The following RBFOX1 variants were observed in gnomAD, a reference collection of about 807,000 sequenced individuals.
RBFOX1 encodes the protein RNA binding protein fox-1 homolog 1.
RBFOX1 carries 8 observed loss-of-function variants against 57.7 expected under a neutral mutation model. The ratio of observed to expected loss-of-function variants is 0.14; its 90% CI spans 0.08 to 0.25. RBFOX1 has a LOEUF of 0.25. Ranked by LOEUF, RBFOX1 falls within the 10% of genes least tolerant of loss-of-function variation. The pLI is 1.00. For synonymous variants in RBFOX1, 326 were observed against 222.4 expected (o/e 1.47, Z -4.15); for missense variants, 611 against 548.5 (o/e 1.11, Z -1.14).
At chr16:6,279,680 C>G (rs766712186) in intron 1 of RBFOX1, among the ~76,000 whole-genome samples, 3 of 152,148 alleles carry the variant, frequency 2.0e-5, no homozygotes, top group Non-Finnish European at 4.4e-5. Context: ...ATTAACCATG[C>G]TGTATATTTG....
intron 3 of RBFOX1, among the ~76,000 whole-genome samples, chr16:6,861,968 A>C (rs1056793207): frequency 6.6e-6 from 1 of 151,192 alleles, no homozygotes; most frequent in Admixed American, 6.6e-5. Context: ...ATGCAATGGG[A>C]GGCTTGAATC....
intron 2 of RBFOX1, among the ~76,000 whole-genome samples, chr16:6,638,090 G>A (rs35440726): frequency 0.063 from 9,551 of 152,130 alleles, 393 homozygotes; most frequent in Non-Finnish European, 0.091. Context: ...AAATATCTGT[G>A]TCATATGAAT....
At position 5,530,595 on chromosome 16, in the gene RBFOX1, G is replaced by T. The variant is rs561844464; in HGVS notation, c.258+63341G>T. Among the ~76,000 whole-genome samples, 85 of 152,338 alleles carry T rather than the reference G, an allele frequency of 5.6e-4. No homozygotes were observed. The South Asian group carries it at 0.01, about 19-fold the overall frequency. ...GACATTTTGGCTAGAAAATTCTGTTGTTGGGGTGATATTCTGTGCATTGTG... is the reference window on the plus strand; with the variant it reads ...GACATTTTGGCTAGAAAATTCTGTTTTTGGGGTGATATTCTGTGCATTGTG... On this transcript the variant is annotated intron_variant, in intron 2 of 2. Transcript: ENST00000585867.
intron 3 of RBFOX1, among the ~76,000 whole-genome samples, chr16:6,670,021 C>G (rs1407208454): frequency 6.6e-6 from 1 of 152,170 alleles, no homozygotes; most frequent in African/African-American, 2.4e-5. Context: ...ATCTATCTAT[C>G]TGTCTATCTC....
intron 1 of RBFOX1, among the ~76,000 whole-genome samples, chr16:6,236,987 C>G (rs879577776): frequency 1.4e-4 from 21 of 152,130 alleles, no homozygotes; most frequent in Admixed American, 1.4e-3. Context: ...TCTATTTCAT[C>G]TCTAAACAAA....
At position 5,465,099 on chromosome 16, in the gene RBFOX1, C is replaced by A. The variant is rs1406352410; in HGVS notation, c.220-2117C>A. 2.6e-5 allele frequency among the ~76,000 whole-genome samples: 4 copies of A among 152,152 alleles called. No homozygotes were observed. The East Asian group carries it at 7.7e-4, about 29-fold the overall frequency. ...TGTGTGTTTGCTCAGGCTGCCGTAA[C>A]AAAGTAATACAGATGGAGTGGCTTA... On this transcript the variant is annotated intron_variant, in intron 1 of 2. Coordinates refer to the RBFOX1 transcript ENST00000585867.
intron 3 of RBFOX1, among the ~76,000 whole-genome samples, chr16:6,894,942 C>A (rs759612552): frequency 8.5e-5 from 13 of 152,236 alleles, no homozygotes; most frequent in East Asian, 5.8e-4. Flanking sequence ...CAAATGTTTT[C>A]TATCTAGAAT....
chr16:7,464,302 C>A (rs9938711), intron 4 of RBFOX1, among the ~76,000 whole-genome samples: 1,536 of 152,288 alleles, frequency 0.01, 35 homozygotes, highest in African/African-American at 0.036. Context: ...ACATTAGTCA[C>A]ATCCAGAAAC....
chr16:5,479,107 C>T (rs540590187), intron 2 of RBFOX1, among the ~76,000 whole-genome samples: 2 of 152,278 alleles, frequency 1.3e-5, no homozygotes, highest in African/African-American at 4.8e-5. Context: ...CGGCTTATTC[C>T]ATTACATAAA....
At chr16:7,064,139 C>G (rs561906585) in intron 4 of RBFOX1, among the ~76,000 whole-genome samples, 138 of 150,464 alleles carry the variant, frequency 9.2e-4, no homozygotes, top group African/African-American at 3.2e-3. Flanking sequence ...AGCGTGGGCC[C>G]TAATCCAGTA....
intron 3 of RBFOX1, among the ~76,000 whole-genome samples, chr16:6,836,798 G>T (rs1420056735): frequency 6.6e-6 from 1 of 152,130 alleles, no homozygotes; most frequent in Non-Finnish European, 1.5e-5. Flanking sequence ...TAATTAGAAA[G>T]TACAGATGTT....
intron 1 of RBFOX1, among the ~76,000 whole-genome samples, chr16:5,274,506 G>A (rs796170054): frequency 5.9e-5 from 9 of 152,304 alleles, no homozygotes; most frequent in African/African-American, 1.9e-4. Context: ...CCTAGCCTGC[G>A]TGATAGGGCG....
chr16:7,697,221 C>T (rs2079076024), intron 14 of RBFOX1, among the ~76,000 whole-genome samples: 1 of 152,040 alleles, frequency 6.6e-6, no homozygotes, highest in African/African-American at 2.4e-5. Flanking sequence ...AGTGGGGTGG[C>T]TGTGGGTGAG....
At chr16:5,822,718 G>C (rs1184533667) in intron 3 of RBFOX1, among the ~76,000 whole-genome samples, 1 of 152,174 alleles carries the variant, frequency 6.6e-6, no homozygotes, top group Admixed American at 6.5e-5. Flanking sequence ...ATGGCCTGGA[G>C]AGTCCATCCT....
chr16:5,325,423 A>G (rs2064541496), intron 1 of RBFOX1, among the ~76,000 whole-genome samples: 2 of 152,262 alleles, frequency 1.3e-5, no homozygotes, highest in Admixed American at 6.5e-5. Context: ...TTTCTACCAC[A>G]TTTGTTTTTA....
chr16:6,538,182 C>G (rs780659559), intron 2 of RBFOX1, among the ~76,000 whole-genome samples: 3 of 152,072 alleles, frequency 2.0e-5, no homozygotes, highest in African/African-American at 7.2e-5. Context: ...TGCTCAACAC[C>G]ATTAGTCATT....
chr16:6,974,672 C>G (rs550934720), intron 3 of RBFOX1, among the ~76,000 whole-genome samples: 1 of 152,004 alleles, frequency 6.6e-6, no homozygotes, highest in Non-Finnish European at 1.5e-5. Context: ...ATTTGCATTT[C>G]TGGAAGACCA....
chr16:5,845,346 G>T (rs1012216306), intron 3 of RBFOX1, among the ~76,000 whole-genome samples: 3 of 152,164 alleles, frequency 2.0e-5, no homozygotes, highest in Admixed American at 6.5e-5. Flanking sequence ...TTCCTCTCCA[G>T]CCTGTCTTGA....
intron 3 of RBFOX1, among the ~76,000 whole-genome samples, chr16:5,687,998 C>G: frequency 6.6e-6 from 1 of 152,100 alleles, no homozygotes; most frequent in East Asian, 1.9e-4. Context: ...CTGCAAGGGC[C>G]CAAGTTTTGG....
Sources: allele counts gnomAD v4.1 joint callset (sites outside exome capture counted in the v4.1 genomes callset), GRCh38; gene constraint gnomAD v4.1.1; transcripts MANE v1.5; gene names NCBI Gene and HGNC (gene_info 2026-07-23, HGNC 2026-07-21).